The following GALNT13 variants were observed in gnomAD, a reference collection of about 807,000 sequenced individuals.
The protein encoded by GALNT13 is UDP-GalNAc:polypeptide N-acetylgalactosaminyltransferase 13.
A neutral mutation model predicts 64.2 loss-of-function variants in GALNT13; 28 were observed. The ratio of observed to expected loss-of-function variants is 0.44; its 90% CI spans 0.32 to 0.60. The LOEUF is 0.60. Ranked by LOEUF, GALNT13 falls within the 20% of genes least tolerant of loss-of-function variation. The pLI, the probability that GALNT13 is intolerant of heterozygous loss-of-function variation, is 0.05. For synonymous variants in GALNT13, 214 were observed against 224.6 expected, an observed-to-expected ratio of 0.95 and a Z score of 0.42; for missense variants, 577 against 669.8, an observed-to-expected ratio of 0.86 and a Z score of 1.53.
chr2:154,241,919 C>T (rs563940498), intron 4 of GALNT13, 111 bp from the exon 5 acceptor site: 5 of 555,926 alleles, frequency 9.0e-6, no homozygotes, highest in Non-Finnish European at 1.5e-5. Context: ...AAAACATTTC[C>T]TTAGTAAGGG....
intron 4 of GALNT13, among the ~76,000 whole-genome samples, chr2:154,180,023 G>C (rs982928149): frequency 6.6e-6 from 1 of 152,046 alleles, no homozygotes; most frequent in African/African-American, 2.4e-5. Flanking sequence ...CTTTACAGAA[G>C]TATGCTGCTT....
chr2:154,090,603 CCA>C (rs1010123285), intron 3 of GALNT13, among the ~76,000 whole-genome samples: 15 of 151,950 alleles, frequency 9.9e-5, no homozygotes, highest in African/African-American at 3.6e-4. Context: ...TGAGCTTCTA[CCA>C]CAGTCTCAGG....
the GALNT13 span, among the ~76,000 whole-genome samples, chr2:153,731,712 C>T: frequency 3.3e-5 from 5 of 151,830 alleles, no homozygotes; most frequent in Non-Finnish European, 5.9e-5. Context: ...AGGTTTCAAG[C>T]GAAAAATTGG....
intron 4 of GALNT13, among the ~76,000 whole-genome samples, chr2:154,158,224 C>A (rs1162724513): frequency 6.6e-6 from 1 of 152,128 alleles, no homozygotes; most frequent in East Asian, 1.9e-4. Flanking sequence ...ACCAGATAGT[C>A]CCCACAAAGC....
chr2:153,397,794 G>A, the GALNT13 span, among the ~76,000 whole-genome samples: 9 of 152,034 alleles, frequency 5.9e-5, no homozygotes, highest in Non-Finnish European at 1.2e-4. Context: ...ATTTACTGAC[G>A]TTTCCACACT....
chr2:153,426,381 C>G, the GALNT13 span, among the ~76,000 whole-genome samples: 1 of 151,820 alleles, frequency 6.6e-6, no homozygotes, highest in South Asian at 2.1e-4. Flanking sequence ...TGATTACTAC[C>G]AAGTGCAGAT....
the GALNT13 span, among the ~76,000 whole-genome samples, chr2:153,561,892 G>A: frequency 1.3e-5 from 2 of 151,714 alleles, no homozygotes; most frequent in African/African-American, 4.8e-5. Flanking sequence ...GTGTATTTTA[G>A]CAACAAATTT....
chr2:154,322,982 C>A (rs1010654344), intron 9 of GALNT13, among the ~76,000 whole-genome samples: 1 of 151,894 alleles, frequency 6.6e-6, no homozygotes, highest in African/African-American at 2.4e-5. Context: ...ATAGTAATCT[C>A]GGGGTACTCA....
chr2:153,120,721 G>A, the GALNT13 span, among the ~76,000 whole-genome samples: 10 of 152,244 alleles, frequency 6.6e-5, no homozygotes, highest in South Asian at 1.5e-3. Flanking sequence ...AATTTTGTAA[G>A]TAAACATTTT....
intron 3 of GALNT13, among the ~76,000 whole-genome samples, chr2:154,013,003 C>T (rs1179191758): frequency 6.6e-6 from 1 of 151,008 alleles, no homozygotes; most frequent in Non-Finnish European, 1.5e-5. Flanking sequence ...TTTTGACTTT[C>T]TCCAGGATTT....
At chr2:153,755,160 ATC>A in the GALNT13 span, among the ~76,000 whole-genome samples, 1 of 152,258 alleles carries the variant, frequency 6.6e-6, no homozygotes, top group East Asian at 1.9e-4. Flanking sequence ...ACGATTGCTC[ATC>A]TGACTTTTTG....
chr2:153,421,857 G>T, the GALNT13 span: 2 of 189,986 alleles, frequency 1.1e-5, no homozygotes, highest in East Asian at 1.3e-4. Flanking sequence ...CTTGGCATTG[G>T]GCTATCGTGC....
chr2:153,743,921 C>T, the GALNT13 span, among the ~76,000 whole-genome samples: 2 of 152,090 alleles, frequency 1.3e-5, no homozygotes, highest in African/African-American at 4.8e-5. Flanking sequence ...TGAGAATAGG[C>T]CTGTTCGTCT....
At chr2:154,096,615 A>G (rs1558955347) in intron 3 of GALNT13, among the ~76,000 whole-genome samples, 1 of 151,944 alleles carries the variant, frequency 6.6e-6, no homozygotes, top group Non-Finnish European at 1.5e-5. Flanking sequence ...TTCCCTTGCT[A>G]TTATTGATTA....
the GALNT13 span, among the ~76,000 whole-genome samples, chr2:153,418,597 A>C: frequency 6.6e-6 from 1 of 152,284 alleles, no homozygotes; most frequent in African/African-American, 2.4e-5. Context: ...AAGCCTGAGA[A>C]ATGAACATTG....
chr2:153,634,631 A>G, the GALNT13 span, among the ~76,000 whole-genome samples: 1 of 145,008 alleles, frequency 6.9e-6, no homozygotes, highest in African/African-American at 2.6e-5. Context: ...GCTCATTGCA[A>G]CCTCCATCTC....
chr2:153,816,711 G>T, the GALNT13 span, among the ~76,000 whole-genome samples: 9 of 152,126 alleles, frequency 5.9e-5, no homozygotes, highest in Non-Finnish European at 1.0e-4. Context: ...TTTTGAGTAG[G>T]ATCTATAGCA....
intron 11 of GALNT13, among the ~76,000 whole-genome samples, chr2:154,428,912 C>T (rs1401495611): frequency 1.3e-5 from 2 of 151,916 alleles, no homozygotes; most frequent in Admixed American, 6.6e-5. Flanking sequence ...CTCCCACGGG[C>T]GCCTGCCACC....
intron 9 of GALNT13, among the ~76,000 whole-genome samples, chr2:154,389,748 C>T (rs942555284): frequency 5.9e-5 from 9 of 151,984 alleles, no homozygotes; most frequent in East Asian, 1.9e-4. Context: ...ACCAGGGAGA[C>T]AAGAGAGCAG....
Sources: allele counts gnomAD v4.1 joint callset (sites outside exome capture counted in the v4.1 genomes callset), GRCh38; gene constraint gnomAD v4.1.1; transcripts MANE v1.5; gene names NCBI Gene and HGNC (gene_info 2026-07-23, HGNC 2026-07-21).